BTRC: variants seen among roughly 807,000 people sequenced by gnomAD.
The protein encoded by BTRC is beta-transducin repeat containing E3 ubiquitin protein ligase, also known as F-box/WD repeat-containing protein 1A.
Under a neutral mutation model 85.5 loss-of-function variants are expected in BTRC, and 42 were observed. The observed-to-expected ratio is 0.49, with a 90% CI of 0.38 to 0.64. The LOEUF (loss-of-function observed/expected upper bound fraction) is 0.64, where lower values mean the gene tolerates loss of function less well. Among genes scored for constraint, BTRC ranks in the 30% least tolerant of loss-of-function variants. The pLI is 0.00. For missense variants in BTRC, 594 were observed against 743.5 expected (o/e 0.80, Z 2.34); for synonymous variants, 255 against 263.3 (o/e 0.97, Z 0.30).
intron 4 of BTRC, among the ~76,000 whole-genome samples, chr10:101,505,400 A>G (rs894074132): frequency 2.0e-5 from 3 of 150,318 alleles, no homozygotes; most frequent in Non-Finnish European, 3.0e-5. Flanking sequence ...CGGGCGGATC[A>G]TGAGGTCAGG....
chr10:101,440,025 A>G (rs1220084899), intron 2 of BTRC, among the ~76,000 whole-genome samples: 4 of 152,228 alleles, frequency 2.6e-5, no homozygotes, highest in African/African-American at 9.6e-5. Flanking sequence ...AAATTTGGGG[A>G]AGAAAAATAT....
At chr10:101,520,937 T>C (rs904463247) in intron 4 of BTRC, among the ~76,000 whole-genome samples, 3 of 152,084 alleles carry the variant, frequency 2.0e-5, no homozygotes, top group African/African-American at 7.2e-5. Flanking sequence ...CACTCCAGCC[T>C]GGGCGACAGA....
intron 1 of BTRC, among the ~76,000 whole-genome samples, chr10:101,415,541 G>T (rs201971778): frequency 0.8 from 70,626 of 88,440 alleles, 26,988 homozygotes; most frequent in East Asian, 0.91. Flanking sequence ...GTTATGTTAT[G>T]TTATGTTATG....
rs138758817 is a variant in BTRC at position 101,476,246 on chromosome 10, A to G, written c.235-3122A>G. On this transcript the variant is annotated intron_variant, in intron 3 of 14. Transcript: ENST00000370187. ...GAAAGACTGAGGGATTGTTGAAAAT[A>G]AGAGGAGCCCTAAGAGACATGACAA... is the stretch of plus-strand genomic sequence containing the variant. Among the ~76,000 whole-genome samples, 20 of 152,214 alleles carry G rather than the reference A, an allele frequency of 1.3e-4. No homozygotes were observed. The East Asian group carries it at 3.7e-3, about 28-fold the overall frequency.
At chr10:101,474,525 C>T (rs1298457814) in intron 3 of BTRC, among the ~76,000 whole-genome samples, 1 of 152,096 alleles carries the variant, frequency 6.6e-6, no homozygotes, top group Admixed American at 6.6e-5. Flanking sequence ...TGGAATCTCC[C>T]CTTCATGTAC....
chr10:101,429,552 C>A (rs1944346667), intron 1 of BTRC, among the ~76,000 whole-genome samples: 1 of 115,348 alleles, frequency 8.7e-6, no homozygotes, highest in East Asian at 3.0e-4. Flanking sequence ...CCTCCTTTTT[C>A]TTCTTCTTCT....
chr10:101,358,885 G>C (rs1344669087), intron 1 of BTRC, among the ~76,000 whole-genome samples: 2 of 152,208 alleles, frequency 1.3e-5, no homozygotes, highest in African/African-American at 2.4e-5. Flanking sequence ...TTGATAGGAA[G>C]GGTGGCGTGC....
intron 1 of BTRC, among the ~76,000 whole-genome samples, chr10:101,387,203 A>G (rs1013127406): frequency 2.6e-5 from 4 of 151,834 alleles, no homozygotes; most frequent in Non-Finnish European, 4.4e-5. Flanking sequence ...TAAAAAATTC[A>G]TATTAAAAAT....
chr10:101,531,963 G>A (rs1269939315), intron 7 of BTRC, among the ~76,000 whole-genome samples: 2 of 152,096 alleles, frequency 1.3e-5, no homozygotes, highest in African/African-American at 4.8e-5. Flanking sequence ...CAGTAGCAAT[G>A]GCCATCACAT....
intron 1 of BTRC, among the ~76,000 whole-genome samples, chr10:101,359,271 G>A (rs1942131940): frequency 6.6e-6 from 1 of 152,166 alleles, no homozygotes; most frequent in Admixed American, 6.5e-5. Context: ...CAGGTAGTGG[G>A]ATGAACATCT....
chr10:101,389,115 GTGTGTTTT>G lies in BTRC; in HGVS notation c.48+34889_48+34896del, dbSNP rs1211159820. 8.5e-4 allele frequency among the ~76,000 whole-genome samples: 30 copies of G among 35,468 alleles called. 2 individuals are homozygous for G. Among genetic ancestry groups the G allele is most frequent in the African/African-American group, 3.8e-3 (28 of 7,320 alleles). The allele number at this position is 35,468 out of a possible 152,430, so 23.3% of individuals were successfully genotyped here. A position where few individuals can be genotyped will look rare whatever the true frequency, so the allele number is the denominator to read the frequency against. ...ATGTTGCATAATTGTGATTTTTTGTGTGTGTTTTTTTTTTTTTTTTTTTTTTTTTTTTT... is the reference window on the plus strand; with the variant it reads ...ATGTTGCATAATTGTGATTTTTTGTGTTTTTTTTTTTTTTTTTTTTTTTTT... On this transcript the variant is annotated intron_variant, in intron 1 of 14. Transcript: ENST00000370187.
At chr10:101,442,897 T>TTC (rs1452286512) in intron 2 of BTRC, among the ~76,000 whole-genome samples, 4 of 149,948 alleles carry the variant, frequency 2.7e-5, no homozygotes, top group African/African-American at 9.8e-5. Context: ...CTCTTTTTTT[T>TTC]TTTTTTTTTT....
At chr10:101,474,217 C>G (rs1421419851) in intron 3 of BTRC, among the ~76,000 whole-genome samples, 1 of 152,120 alleles carries the variant, frequency 6.6e-6, no homozygotes, top group Non-Finnish European at 1.5e-5. Context: ...TGCAGAAACT[C>G]TGAATTCATT....
At chr10:101,551,950 G>A (rs1478776383) in intron 14 of BTRC, among the ~76,000 whole-genome samples, 20 of 152,110 alleles carry the variant, frequency 1.3e-4, no homozygotes, top group East Asian at 3.9e-4. Context: ...GCACAGTGGC[G>A]AATACATAAT....
chr10:101,494,324 G>A (rs577097428), intron 4 of BTRC, among the ~76,000 whole-genome samples: 3 of 152,276 alleles, frequency 2.0e-5, no homozygotes, highest in Admixed American at 2.0e-4. Flanking sequence ...TACAAGAGAG[G>A]AAGTCATACT....
chr10:101,473,797 T>C (rs1589517802), intron 3 of BTRC, among the ~76,000 whole-genome samples: 3 of 152,094 alleles, frequency 2.0e-5, no homozygotes, highest in Admixed American at 2.0e-4. Context: ...AGGATCTCAC[T>C]ACGTTGCCCA....
chr10:101,415,431 C>T (rs1253607909), intron 1 of BTRC, among the ~76,000 whole-genome samples: 1 of 151,384 alleles, frequency 6.6e-6, no homozygotes, highest in African/African-American at 2.4e-5. Context: ...CCACCTCAGC[C>T]TCCCAAAGCC....
chr10:101,412,866 A>G (rs536718722), intron 1 of BTRC, among the ~76,000 whole-genome samples: 1 of 152,360 alleles, frequency 6.6e-6, no homozygotes, highest in Admixed American at 6.5e-5. Flanking sequence ...TGTCTTTCCC[A>G]ATGTTAAGCC....
intron 1 of BTRC, among the ~76,000 whole-genome samples, chr10:101,359,522 G>T (rs1196124239): frequency 6.6e-6 from 1 of 152,046 alleles, no homozygotes; most frequent in Non-Finnish European, 1.5e-5. Context: ...CCGCCTCCTG[G>T]GTTCAAATGA....
Sources: gnomAD v4.1 joint callset for allele counts (sites outside exome capture counted in the v4.1 genomes callset) on GRCh38, gnomAD v4.1.1 for gene constraint, MANE v1.5 for transcripts, NCBI Gene and HGNC (gene_info 2026-07-23, HGNC 2026-07-21) for gene names.